PDE1A: variants seen among roughly 807,000 people sequenced by gnomAD.
PDE1A encodes the protein phosphodiesterase 1A.
A neutral mutation model predicts 61.7 loss-of-function variants in PDE1A; 35 were observed. That is an observed-to-expected ratio of 0.57 (90% CI 0.43 to 0.75). The LOEUF (loss-of-function observed/expected upper bound fraction) is 0.75, where lower values mean the gene tolerates loss of function less well. PDE1A is among the 30% of genes least tolerant of loss of function. PDE1A has a pLI of 0.00. For synonymous variants in PDE1A, 232 were observed against 213.2 expected (o/e 1.09, Z -0.77); for missense variants, 597 against 630.6 (o/e 0.95, Z 0.57).
At chr2:182,331,455 C>T (rs575943886) in intron 1 of PDE1A, among the ~76,000 whole-genome samples, 73 of 152,248 alleles carry the variant, frequency 4.8e-4, no homozygotes, top group Non-Finnish European at 6.0e-4. Context: ...ATGGTCTTTA[C>T]AATTTGGGAT....
At chr2:182,194,881 T>TCACACACACACACA (rs55809632) in intron 10 of PDE1A, among the ~76,000 whole-genome samples, 2 of 144,832 alleles carry the variant, frequency 1.4e-5, no homozygotes, top group African/African-American at 5.0e-5. Context: ...TCTGAAATAT[T>TCACACACACACACA]CACACACACA....
intron 2 of PDE1A, among the ~76,000 whole-genome samples, chr2:182,498,048 A>AG (rs1688828346): frequency 1.3e-5 from 1 of 79,130 alleles, no homozygotes; most frequent in African/African-American, 3.6e-5. Flanking sequence ...TGCGTCTCAA[A>AG]AAAAAAAAAA....
At chr2:182,703,424 G>A in the PDE1A span, among the ~76,000 whole-genome samples, 2 of 152,200 alleles carry the variant, frequency 1.3e-5, no homozygotes, top group Non-Finnish European at 2.9e-5. Flanking sequence ...TGATCAGGTT[G>A]CTGAATGGCA....
At chr2:182,302,193 G>A (rs1574295572) in intron 1 of PDE1A, among the ~76,000 whole-genome samples, 1 of 152,296 alleles carries the variant, frequency 6.6e-6, no homozygotes, top group East Asian at 1.9e-4. Context: ...TTCAACTGCA[G>A]TTCTTGCATC....
intron 1 of PDE1A, among the ~76,000 whole-genome samples, chr2:182,334,096 C>A (rs556144207): frequency 9.9e-5 from 15 of 151,914 alleles, no homozygotes; most frequent in Non-Finnish European, 1.6e-4. Context: ...TAATAGCCTA[C>A]CAACCAAAAA....
intron 13 of PDE1A, among the ~76,000 whole-genome samples, chr2:182,161,679 G>A (rs940513414): frequency 6.6e-6 from 1 of 152,140 alleles, no homozygotes; most frequent in African/African-American, 2.4e-5. Flanking sequence ...GGTTCAGAGT[G>A]TGACCCACAA....
the PDE1A span, among the ~76,000 whole-genome samples, chr2:182,657,362 A>G: frequency 2.6e-5 from 4 of 152,248 alleles, no homozygotes; most frequent in Non-Finnish European, 5.9e-5. Flanking sequence ...ATTCCAACTT[A>G]GTCCTTATAT....
upstream of PDE1A, among the ~76,000 whole-genome samples, chr2:182,429,488 T>C (rs370226650): frequency 3.0e-4 from 46 of 152,240 alleles, no homozygotes; most frequent in African/African-American, 1.0e-3. Context: ...AAGGGTGTTT[T>C]TATTTTTCCT....
At chr2:182,292,541 C>G (rs971432347) in intron 1 of PDE1A, among the ~76,000 whole-genome samples, 1 of 151,906 alleles carries the variant, frequency 6.6e-6, no homozygotes, top group African/African-American at 2.4e-5. Flanking sequence ...TGAGACTATT[C>G]AATATTCAAG....
intron 2 of PDE1A, among the ~76,000 whole-genome samples, chr2:182,486,191 G>T (rs1284930108): frequency 1.3e-5 from 2 of 151,708 alleles, no homozygotes; most frequent in Non-Finnish European, 2.9e-5. Context: ...ATGAAAATAA[G>T]AAATTCTATT....
intron 1 of PDE1A, among the ~76,000 whole-genome samples, chr2:182,397,714 C>T (rs1438006777): frequency 6.6e-6 from 1 of 152,042 alleles, no homozygotes; most frequent in Non-Finnish European, 1.5e-5. Flanking sequence ...GTCACATGTA[C>T]AGCTTCTTAT....
the PDE1A span, among the ~76,000 whole-genome samples, chr2:182,564,358 T>A: frequency 6.6e-6 from 1 of 152,206 alleles, no homozygotes; most frequent in Non-Finnish European, 1.5e-5. Context: ...AAAATTCTTT[T>A]CTTTAAGAAT....
At chr2:182,411,150 G>T (rs910949431) in intron 1 of PDE1A, among the ~76,000 whole-genome samples, 3 of 152,150 alleles carry the variant, frequency 2.0e-5, no homozygotes, top group African/African-American at 7.2e-5. Flanking sequence ...TGGTTCCAAG[G>T]ATAACCACTG....
At chr2:182,579,246 A>C in the PDE1A span, among the ~76,000 whole-genome samples, 2 of 152,176 alleles carry the variant, frequency 1.3e-5, no homozygotes, top group African/African-American at 4.8e-5. Flanking sequence ...CCAGCTCTGG[A>C]GTCAGACTGC....
chr2:182,516,759 GAAA>G (rs1306145817), intron 2 of PDE1A, among the ~76,000 whole-genome samples: 2 of 89,560 alleles, frequency 2.2e-5, no homozygotes, highest in African/African-American at 7.7e-5. Flanking sequence ...GAGAAAGAAA[GAAA>G]AAGAAAGAAA....
At position 182,487,320 on chromosome 2, in the gene PDE1A, C is replaced by T. The variant is rs1316667688; in HGVS notation, c.101+34956G>A. On this transcript the variant is annotated intron_variant, in intron 2 of 14. Coordinates refer to the PDE1A transcript ENST00000410103. ...GAACTCTCATACACTGCTGGGGAGA[C>T]TATAAAGTTGTATGGCCGCTCTGGA... Among the ~76,000 whole-genome samples, 4 of 152,092 alleles carry T rather than the reference C, an allele frequency of 2.6e-5. No individual in the cohort carries two copies. The East Asian group carries it at 7.7e-4, about 29-fold the overall frequency.
At chr2:182,212,441 G>A (rs562769518) in intron 7 of PDE1A, among the ~76,000 whole-genome samples, 26 of 152,220 alleles carry the variant, frequency 1.7e-4, no homozygotes, top group South Asian at 6.2e-4. Flanking sequence ...GAACAGCTCC[G>A]GTCTACAGCT....
downstream of PDE1A, among the ~76,000 whole-genome samples, chr2:182,146,302 T>C (rs550346866): frequency 7.9e-5 from 12 of 152,298 alleles, no homozygotes; most frequent in Non-Finnish European, 1.8e-4. Context: ...GATGCACATG[T>C]TCACAGATTT....
At chr2:182,605,327 G>A in the PDE1A span, among the ~76,000 whole-genome samples, 1 of 152,070 alleles carries the variant, frequency 6.6e-6, no homozygotes, top group Non-Finnish European at 1.5e-5. Flanking sequence ...TTGTGACCCT[G>A]TGATCAGTAG....
Sources: gnomAD v4.1 joint callset for allele counts (sites outside exome capture counted in the v4.1 genomes callset) on GRCh38, gnomAD v4.1.1 for gene constraint, MANE v1.5 for transcripts, NCBI Gene and HGNC (gene_info 2026-07-23, HGNC 2026-07-21) for gene names.